The following ZNF2 variants were observed in gnomAD, a reference collection of about 807,000 sequenced individuals.
ZNF2 encodes the protein zinc finger protein 2.2.
In ZNF2, 12 loss-of-function variants were observed where a neutral mutation model predicts 21.9. The ratio of observed to expected loss-of-function variants is 0.55; its 90% confidence interval spans 0.35 to 0.89. The LOEUF is 0.89. ZNF2 is among the 40% of genes least tolerant of loss of function. ZNF2 has a pLI of 0.01. For synonymous variants in ZNF2, 186 were observed against 196.3 expected (o/e 0.95, Z 0.44); for missense variants, 462 against 544.2 (o/e 0.85, Z 1.50).
intron 4 of ZNF2, 93 bp from the exon 5 acceptor site, chr2:95,181,010 A>G (rs1674619079): frequency 2.1e-6 from 3 of 1,416,560 alleles, no homozygotes; most frequent in South Asian, 1.3e-5. Context: ...TGCAGTGACC[A>G]TACATTACTT....
At position 95,181,710 on chromosome 2, in the gene ZNF2, TA is replaced by T; in HGVS notation, c.883del (p.Ser295AlafsTer11). 6.2e-7 allele frequency: 1 copy of T among 1,614,210 alleles called. No homozygotes were observed. Among genetic ancestry groups the T allele is most frequent in the Non-Finnish European group, 8.5e-7 (1 of 1,180,024 alleles). ...YECHQCGKAF[S>X]QKSILTRHQL... ...AATGTCATCAGTGTGGGAAAGCCTTTAGCCAGAAAAGTATTCTTACTCGCCA... is the reference window on the plus strand; with the variant it reads ...AATGTCATCAGTGTGGGAAAGCCTTTGCCAGAAAAGTATTCTTACTCGCCA... On this transcript the variant is annotated frameshift_variant, in exon 5 of 5. Transcript: ENST00000614034. LOFTEE classifies it low-confidence loss of function (END_TRUNC).
chr2:95,168,597 A>T (rs766042669), intron 1 of ZNF2, among the ~76,000 whole-genome samples: 29 of 152,216 alleles, frequency 1.9e-4, no homozygotes, highest in Middle Eastern at 3.2e-3. Flanking sequence ...GCTACTTGGT[A>T]CATATTCATC....
intron 1 of ZNF2, among the ~76,000 whole-genome samples, chr2:95,171,093 T>C (rs1439043292): frequency 6.6e-6 from 1 of 152,210 alleles, no homozygotes; most frequent in Non-Finnish European, 1.5e-5. Context: ...ATGAAACTCA[T>C]AGTCCTTCAA....
chr2:95,176,320 C>A, intron 2 of ZNF2, 61 bp downstream of exon 2: 1 of 1,608,220 alleles, frequency 6.2e-7, no homozygotes, highest in Non-Finnish European at 8.5e-7. Context: ...AACCACTTTT[C>A]TTTCTCTATC....
chr2:95,172,947 G>GT (rs559249846), intron 1 of ZNF2, among the ~76,000 whole-genome samples: 3 of 150,510 alleles, frequency 2.0e-5, no homozygotes, highest in East Asian at 1.9e-4. Context: ...GTTCTTTGTG[G>GT]TTTTTTTTCA....
intron 3 of ZNF2, among the ~76,000 whole-genome samples, chr2:95,178,616 T>G (rs907392328): frequency 1.3e-5 from 2 of 152,144 alleles, no homozygotes; most frequent in African/African-American, 4.8e-5. Context: ...CTTTCCCAAG[T>G]TGGGGCCTCA....
At chr2:95,167,120 G>A (rs1457107867) in intron 1 of ZNF2, among the ~76,000 whole-genome samples, 1 of 152,162 alleles carries the variant, frequency 6.6e-6, no homozygotes, top group African/African-American at 2.4e-5. Context: ...AATTTTAGTG[G>A]TTGGAAGAAA....
chr2:95,168,719 A>T (rs1308560971), intron 1 of ZNF2, among the ~76,000 whole-genome samples: 1 of 152,252 alleles, frequency 6.6e-6, no homozygotes, highest in Non-Finnish European at 1.5e-5. Flanking sequence ...ACCATTTATA[A>T]CTATGCTGTG....
In ZNF2 at chr2:95,184,256, G is replaced by A. The variant is rs1001836086; in HGVS notation, c.*2150G>A. The A allele has an allele frequency of 1.3e-5, 2 of 152,210 alleles. No homozygotes were observed. Among genetic ancestry groups the A allele is most frequent in the African/African-American group, 4.8e-5 (2 of 41,434 alleles). The allele number at this position is 152,210 out of a possible 1,614,324, so 9.4% of individuals were successfully genotyped here. A position where few individuals can be genotyped will look rare whatever the true frequency, so the allele number is the denominator to read the frequency against. On this transcript the variant is annotated 3_prime_UTR_variant, in exon 5 of 5. Coordinates refer to ENST00000614034, the MANE Select transcript of ZNF2 (RefSeq NM_021088.4). ...AAAACACATAACAGAATCTATAGGTGTGGACAATATGTGATATTGCTAAAT... is the reference window on the plus strand; with the variant it reads ...AAAACACATAACAGAATCTATAGGTATGGACAATATGTGATATTGCTAAAT...
At chr2:95,168,153 G>A (rs1250759037) in intron 1 of ZNF2, among the ~76,000 whole-genome samples, 3 of 151,950 alleles carry the variant, frequency 2.0e-5, no homozygotes, top group Admixed American at 6.6e-5. Flanking sequence ...GGGTCTGGGC[G>A]CTGTGGCTCA....
intron 1 of ZNF2, among the ~76,000 whole-genome samples, chr2:95,174,659 C>G (rs1674383203): frequency 6.6e-6 from 1 of 152,200 alleles, no homozygotes; most frequent in Non-Finnish European, 1.5e-5. Context: ...CCATCCCTCC[C>G]TGCTGGGTTA....
At chr2:95,175,463 C>G (rs1180543631) in intron 1 of ZNF2, among the ~76,000 whole-genome samples, 1 of 152,208 alleles carries the variant, frequency 6.6e-6, no homozygotes, top group African/African-American at 2.4e-5. Flanking sequence ...ATGACCTTTT[C>G]TCTACCTTGT....
intron 2 of ZNF2, 64 bp from the exon 3 acceptor site, chr2:95,177,419 T>C: frequency 1.3e-6 from 2 of 1,570,104 alleles, no homozygotes; most frequent in South Asian, 2.4e-5. Flanking sequence ...ATCTTTGACA[T>C]TTTTGGTCTG....
At chr2:95,168,282 G>A (rs968344553) in intron 1 of ZNF2, among the ~76,000 whole-genome samples, 7 of 152,088 alleles carry the variant, frequency 4.6e-5, no homozygotes, top group African/African-American at 1.7e-4. Context: ...AAAATTAGCT[G>A]GGCATGGTGG....
rs976758720 is a variant in ZNF2 at position 95,182,521 on chromosome 2, T to TG, written c.*419dup. On this transcript the variant is annotated 3_prime_UTR_variant, in exon 5 of 5. Transcript: ENST00000614034. ...TTAGTCCCCCTCTCTTGGAGCATTT[T>TG]GGGGCACTAATCTTGTTCTCTTGTG... 1 of 163,988 alleles carries TG rather than the reference T, an allele frequency of 6.1e-6. No individual in the cohort carries two copies. The highest frequency in any genetic ancestry group is 2.4e-5 in the African/African-American group (1 of 41,578). The allele number at this position is 163,988 out of a possible 1,614,324, so 10.2% of individuals were successfully genotyped here.
intron 1 of ZNF2, among the ~76,000 whole-genome samples, chr2:95,169,854 A>T (rs1366930538): frequency 1.3e-5 from 2 of 152,242 alleles, no homozygotes; most frequent in Non-Finnish European, 2.9e-5. Context: ...ATTAGCTTAT[A>T]CTAACTTTAC....
rs535089249 is a variant in ZNF2 at position 95,166,144 on chromosome 2, A to G, written c.-40+284A>G. On this transcript the variant is annotated intron_variant, in intron 1 of 4. Transcript: ENST00000614034. ...TCCGCCTCTCCCGTTTCTTCTTCCC[A>G]TAATGGGTGCTTAATGAACGTGGGT... Among the ~76,000 whole-genome samples, 5 of 151,138 alleles carry G rather than the reference A, an allele frequency of 3.3e-5. No homozygotes were observed. In the Admixed American group the frequency reaches 3.3e-4, roughly 10 times the overall value.
chr2:95,172,638 G>GTTTTTTTTTTTTTTTTTT (rs779777588), intron 1 of ZNF2, among the ~76,000 whole-genome samples: 1 of 137,226 alleles, frequency 7.3e-6, no homozygotes. Flanking sequence ...TTTCTTTGTG[G>GTTTTTTTTTTTTTTTTTT]TTTTTTTTTT....
At chr2:95,167,716 G>A (rs1261806379) in intron 1 of ZNF2, among the ~76,000 whole-genome samples, 2 of 151,640 alleles carry the variant, frequency 1.3e-5, no homozygotes, top group Admixed American at 6.6e-5. Flanking sequence ...GCATGATGGC[G>A]GGTGCCTGTA....
Sources: allele counts gnomAD v4.1 joint callset (sites outside exome capture counted in the v4.1 genomes callset), GRCh38; gene constraint gnomAD v4.1.1; transcripts MANE v1.5; gene names NCBI Gene and HGNC (gene_info 2026-07-23, HGNC 2026-07-21).